HLA-DPA1: variants seen among roughly 807,000 people sequenced by gnomAD.
HLA-DPA1 encodes the protein HLA class II histocompatibility antigen, DP alpha 1 chain.
HLA-DPA1 carries 20 observed loss-of-function variants against 21.5 expected under a neutral mutation model. The observed-to-expected ratio is 0.93, with a 90% CI of 0.66 to 1.35. The LOEUF (loss-of-function observed/expected upper bound fraction) is 1.35. Ranked by LOEUF, HLA-DPA1 falls within the 40% of genes most tolerant of loss-of-function variation. The pLI is 0.00. For missense variants in HLA-DPA1, 279 were observed against 323.0 expected, an observed-to-expected ratio of 0.86 and a Z score of 1.05; for synonymous variants, 123 against 129.6, an observed-to-expected ratio of 0.95 and a Z score of 0.35.
exon 5 of HLA-DPA1, chr6:33,068,684 G>C: frequency 6.2e-7 from 1 of 1,613,054 alleles, no homozygotes; most frequent in South Asian, 1.1e-5. Context: ...GTCATGGCCA[G>C]AACGCAGAGA....
At position 33,075,431 on chromosome 6, in the gene HLA-DPA1, A is replaced by T. The variant is rs143859750; in HGVS notation, c.-99-1762T>A. ...GACAGTCCTGTGGAAGAACCTGGTA[A>T]CTCCTGCACATCGCAGGACTCACAG... is the stretch of plus-strand genomic sequence containing the variant. On this transcript the variant is annotated intron_variant, in intron 1 of 5. Coordinates refer to ENST00000419277, the Ensembl canonical transcript of HLA-DPA1. Among the ~76,000 whole-genome samples the T allele has an allele frequency of 3.5e-3, 527 of 152,130 alleles. 3 individuals carry two copies. Among genetic ancestry groups the T allele is most frequent in the East Asian group, 0.025 (130 of 5,174 alleles).
Position 33,069,050 on chromosome 6 carries a change from C to T in HLA-DPA1, c.597G>A (p.Trp199Ter). ...GCTTGAGGAGCGGCTGGTCCAAGCC[C>T]CAGTGCTCCACCCTGCAGTCATAGA... The change falls in exon 4 of 6, where the codon TGG becomes TGA. Residue 199 changes from tryptophan to a stop codon, truncating the protein, a stop_gained. Coordinates refer to ENST00000419277, the Ensembl canonical transcript of HLA-DPA1. LOFTEE classifies it high-confidence loss of function. 1 of 1,613,032 alleles carries T rather than the reference C, an allele frequency of 6.2e-7. No homozygotes were observed. Among genetic ancestry groups the T allele is most frequent in the Non-Finnish European group, 8.5e-7 (1 of 1,180,010 alleles).
At chr6:33,068,892 C>A in intron 4 of HLA-DPA1, 88 bp from the exon 4 acceptor site, 1 of 1,545,514 alleles carries the variant, frequency 6.5e-7, no homozygotes, top group Non-Finnish European at 8.9e-7. Flanking sequence ...GGTTATGGAC[C>A]AGTTAATTGG....
chr6:33,070,391 T>A (rs1383640755), intron 2 of HLA-DPA1, among the ~76,000 whole-genome samples: 1 of 152,208 alleles, frequency 6.6e-6, no homozygotes, highest in African/African-American at 2.4e-5. Context: ...AGGTTTTCTC[T>A]CCCATTAAGA....
At chr6:33,068,982 A>G (rs1762108667) in intron 4 of HLA-DPA1, 37 bp downstream of exon 3, 1 of 1,604,750 alleles carries the variant, frequency 6.2e-7, no homozygotes, top group Admixed American at 1.7e-5. Context: ...GGAATAGAGG[A>G]TGCCAGGAGA....
rs1416831841 is a variant in HLA-DPA1 at position 33,080,279 on chromosome 6, G to A, written c.-100+401C>T. On this transcript the variant is annotated intron_variant, in intron 1 of 5. Transcript: ENST00000419277. This position sits in a 1 kb window ranked among gnomAD's most constrained non-coding sequence, Gnocchi z 4.3. ...TCAGGATGGAAATGTCAGTCAGGGAGTTAAGTAGGGGGAGCAGCTCCGCCC... is the reference window on the plus strand; with the variant it reads ...TCAGGATGGAAATGTCAGTCAGGGAATTAAGTAGGGGGAGCAGCTCCGCCC... 5 of 383,726 alleles carry A rather than the reference G, an allele frequency of 1.3e-5. No individual in the cohort carries two copies. In the East Asian group the frequency reaches 3.4e-4, roughly 26 times the overall value. The allele number at this position is 383,726 out of a possible 1,614,324, so 23.8% of individuals were successfully genotyped here. A position where few individuals can be genotyped will look rare whatever the true frequency, so the allele number is the denominator to read the frequency against.
rs371786401 is a variant in HLA-DPA1 at position 33,077,093 on chromosome 6, C to T, written c.-99-3424G>A. ...CCTCCCCCCACCCCACAACAGGCCC[C>T]GGTGTATGATGTTCCCCTTCCTGTG... is the stretch of plus-strand genomic sequence containing the variant. On this transcript the variant is annotated intron_variant, in intron 1 of 5. Coordinates refer to ENST00000419277, the Ensembl canonical transcript of HLA-DPA1. Among the ~76,000 whole-genome samples, 160 of 134,344 alleles carry T rather than the reference C, an allele frequency of 1.2e-3. 1 individual carries two copies. In the East Asian group the frequency reaches 0.023, roughly 19 times the overall value. The allele number at this position is 134,344 out of a possible 152,430, so 88.1% of individuals were successfully genotyped here.
chr6:33,071,775 T>C (rs1232453269), intron 2 of HLA-DPA1, among the ~76,000 whole-genome samples: 1 of 151,562 alleles, frequency 6.6e-6, no homozygotes, highest in Non-Finnish European at 1.5e-5. Context: ...GGCTTCAATG[T>C]AGGCATTCAG....
chr6:33,080,680 C>G lies in HLA-DPA1; in HGVS notation c.-100G>C, dbSNP rs1126504. ...CCGCCCCCTCCCCGCAGAGAATTACCTTTTCCAGGGACGGCAGGAATGCTA... is the reference window on the plus strand; with the variant it reads ...CCGCCCCCTCCCCGCAGAGAATTACGTTTTCCAGGGACGGCAGGAATGCTA... On this transcript the variant is annotated splice_region_variant and 5_prime_UTR_variant, in exon 1 of 6. Coordinates refer to ENST00000419277, the Ensembl canonical transcript of HLA-DPA1. The surrounding 1 kb of genome is among the most constrained non-coding windows in gnomAD (Gnocchi z 4.3). 465,661 of 1,601,204 alleles carry G rather than the reference C, an allele frequency of 0.29. 74,277 individuals carry two copies. Among genetic ancestry groups the G allele is most frequent in the African/African-American group, 0.62 (46,133 of 74,692 alleles).
chr6:33,069,743 C>A, exon 3 of HLA-DPA1: 3 of 1,612,764 alleles, frequency 1.9e-6, no homozygotes, highest in Non-Finnish European at 2.5e-6. Context: ...AAGGAAAAGG[C>A]TTGGCCAAAC....
chr6:33,070,446 A>G (rs73739700), intron 2 of HLA-DPA1, among the ~76,000 whole-genome samples: 43,818 of 151,816 alleles, frequency 0.29, 8,329 homozygotes, highest in East Asian at 0.69. Flanking sequence ...TTTTAGAGTC[A>G]TGGGGGTGGG....
intron 2 of HLA-DPA1, among the ~76,000 whole-genome samples, chr6:33,072,045 TGA>T (rs960420458): frequency 6.6e-6 from 1 of 152,030 alleles, no homozygotes; most frequent in African/African-American, 2.4e-5. Flanking sequence ...CAGGGTATAA[TGA>T]GAGAACATGA....
chr6:33,080,111 A>G lies in HLA-DPA1; in HGVS notation c.-100+569T>C, dbSNP rs1402711812. Among the ~76,000 whole-genome samples, 1 of 152,212 alleles carries G rather than the reference A, an allele frequency of 6.6e-6. No individual in the cohort carries two copies. Among genetic ancestry groups the G allele is most frequent in the Non-Finnish European group, 1.5e-5 (1 of 68,036 alleles). On this transcript the variant is annotated intron_variant, in intron 1 of 5. Coordinates refer to ENST00000419277, the Ensembl canonical transcript of HLA-DPA1. This position sits in a 1 kb window ranked among gnomAD's most constrained non-coding sequence, Gnocchi z 4.3. Reference sequence around the variant, plus strand: ...AGAAAGTTTTAAGAAATATATTTCTACATCTCCTACATGCAAAACAACAGG... The same window carrying G: ...AGAAAGTTTTAAGAAATATATTTCTGCATCTCCTACATGCAAAACAACAGG...
rs762801509 is a variant in HLA-DPA1, at chr6:33,069,698, A to G, written c.289T>C (p.Leu97=). 12 of 1,612,778 alleles carry G rather than the reference A, an allele frequency of 7.4e-6. No homozygotes were observed. The South Asian group carries it at 1.2e-4, about 16-fold the overall frequency. Residue 97 remains leucine (L), a synonymous_variant, in exon 3 of 6, where the codon TTG becomes CTG. Coordinates refer to ENST00000419277, the Ensembl canonical transcript of HLA-DPA1. ...ATCAAGGTATTCAAGTTGTTGTTCA[A>G]TATAGCAATGTTAGCCAGCCCGCCC...
At chr6:33,071,120 GGACCCAGTCTGTGCTTGGCCACTTACAGT>G (rs11269757) in intron 2 of HLA-DPA1, among the ~76,000 whole-genome samples, 43,146 of 151,712 alleles carry the variant, frequency 0.28, 8,035 homozygotes, top group East Asian at 0.66. Context: ...TGACATGTGG[GGACCCAGTCTGTGCTTGGCCACTTACAGT>G]GACAGGAGAA....
intron 2 of HLA-DPA1, among the ~76,000 whole-genome samples, chr6:33,070,820 A>G (rs2301221): frequency 0.29 from 43,464 of 152,078 alleles, 8,135 homozygotes; most frequent in East Asian, 0.66. Flanking sequence ...TAAGCATTCT[A>G]AACTTTTCTT....
chr6:33,068,285 A>T (rs1481724891), intron 5 of HLA-DPA1: 1 of 197,448 alleles, frequency 5.1e-6, no homozygotes, highest in African/African-American at 2.3e-5. Flanking sequence ...ACAGTCTTGG[A>T]TCCAGACTTT....
At chr6:33,068,666 G>A in exon 5 of HLA-DPA1, 2 of 1,612,666 alleles carry the variant, frequency 1.2e-6, no homozygotes, top group Non-Finnish European at 1.7e-6. Context: ...GGTCCCCTGG[G>A]CCCGGGGGTC....
chr6:33,071,158 A>G (rs1249878001), intron 2 of HLA-DPA1, among the ~76,000 whole-genome samples: 1 of 148,204 alleles, frequency 6.7e-6, no homozygotes, highest in Non-Finnish European at 1.5e-5. Context: ...GTGACAGGAG[A>G]ATGACTCCTT....
Sources: allele counts gnomAD v4.1 joint callset (sites outside exome capture counted in the v4.1 genomes callset), GRCh38; gene constraint gnomAD v4.1.1; non-coding constraint Gnocchi (gnomAD v3.1); transcripts MANE v1.5; gene names NCBI Gene and HGNC (gene_info 2026-07-23, HGNC 2026-07-21).